MARCHF4: variants seen among roughly 807,000 people sequenced by gnomAD.
MARCHF4 encodes E3 ubiquitin-protein ligase MARCHF4.
MARCHF4 carries 14 observed loss-of-function variants against 43.9 expected under a neutral mutation model. That is an observed-to-expected ratio of 0.32 (90% CI 0.21 to 0.50). The LOEUF (loss-of-function observed/expected upper bound fraction) is 0.50, where lower values mean the gene tolerates loss of function less well. Among genes scored for constraint, MARCHF4 ranks in the 20% least tolerant of loss-of-function variants. The pLI, the probability that MARCHF4 is intolerant of heterozygous loss-of-function variation, is 0.98. For missense variants in MARCHF4, 468 were observed against 536.7 expected (o/e 0.87, Z 1.27); for synonymous variants, 226 against 213.3 (o/e 1.06, Z -0.52).
intron 1 of MARCHF4, among the ~76,000 whole-genome samples, chr2:216,288,500 T>C (rs1391576165): frequency 6.6e-6 from 1 of 152,074 alleles, no homozygotes; most frequent in East Asian, 1.9e-4. Context: ...CAGTAAAGAT[T>C]AAAGAATTTT....
At chr2:216,330,286 T>C (rs753695049) in intron 1 of MARCHF4, among the ~76,000 whole-genome samples, 3 of 152,194 alleles carry the variant, frequency 2.0e-5, no homozygotes, top group Non-Finnish European at 2.9e-5. Flanking sequence ...GATTTTATAA[T>C]GACAGTATGG....
intron 1 of MARCHF4, among the ~76,000 whole-genome samples, chr2:216,365,163 A>C (rs138119944): frequency 1.3e-5 from 2 of 152,314 alleles, no homozygotes; most frequent in East Asian, 3.9e-4. Flanking sequence ...CCAGGTTCTC[A>C]TTGCATCTTA....
At chr2:216,306,969 C>A (rs925189012) in intron 1 of MARCHF4, among the ~76,000 whole-genome samples, 2 of 152,012 alleles carry the variant, frequency 1.3e-5, no homozygotes, top group Admixed American at 6.6e-5. Flanking sequence ...CCTGTCCTCT[C>A]TCTCTCTCTC....
intron 1 of MARCHF4, among the ~76,000 whole-genome samples, chr2:216,349,738 C>CAGAG (rs1692370588): frequency 6.6e-6 from 1 of 152,104 alleles, no homozygotes; most frequent in African/African-American, 2.4e-5. Flanking sequence ...GGGGATTAGC[C>CAGAG]AGAGTATCTG....
rs1408883503 is a variant in MARCHF4, at chr2:216,354,972, TTTC to T, written c.516+14770_516+14772del. Among the ~76,000 whole-genome samples, 372 of 139,628 alleles carry T rather than the reference TTTC, an allele frequency of 2.7e-3. 4 individuals carry two copies. The highest frequency in any genetic ancestry group is 2.3e-3 in the Non-Finnish European group (151 of 65,626). The allele number at this position is 139,628 out of a possible 152,430, so 91.6% of individuals were successfully genotyped here. The stretch of plus-strand genomic sequence containing the variant: ...CTTTCTTTCTTTCTTTCTTTCTTTC[TTTC>T]TTTCTTTCTTTTTTGAGACAGAGTC... On this transcript the variant is annotated intron_variant, in intron 1 of 3. Coordinates refer to ENST00000273067, the MANE Select transcript of MARCHF4 (RefSeq NM_020814.3).
intron 1 of MARCHF4, among the ~76,000 whole-genome samples, chr2:216,288,302 A>T (rs1691249296): frequency 6.6e-6 from 1 of 152,250 alleles, no homozygotes; most frequent in African/African-American, 2.4e-5. Context: ...CAAGAGTTTG[A>T]CACAGTGCAT....
chr2:216,310,253 T>C (rs1225922692), intron 1 of MARCHF4, among the ~76,000 whole-genome samples: 1 of 152,050 alleles, frequency 6.6e-6, no homozygotes, highest in African/African-American at 2.4e-5. Flanking sequence ...AATCATTAGA[T>C]AGTTCTTTCT....
At chr2:216,270,087 T>TC (rs1690910421) in intron 3 of MARCHF4, among the ~76,000 whole-genome samples, 1 of 151,890 alleles carries the variant, frequency 6.6e-6, no homozygotes, top group Admixed American at 6.6e-5. Context: ...AGAAATTTTT[T>TC]TTTTTTTGAG....
At chr2:216,353,515 T>C (rs1235619008) in intron 1 of MARCHF4, among the ~76,000 whole-genome samples, 3 of 152,204 alleles carry the variant, frequency 2.0e-5, no homozygotes, top group Admixed American at 6.5e-5. Flanking sequence ...ACCTTGAACA[T>C]GTCCCCTCAC....
chr2:216,361,526 TCTACATAGTTCCTGCCAAGCAGA>T (rs562331945), intron 1 of MARCHF4, among the ~76,000 whole-genome samples: 51 of 152,320 alleles, frequency 3.3e-4, no homozygotes, highest in Non-Finnish European at 1.5e-4. Flanking sequence ...AAAGTGTCTT[TCTACATAGTTCCTGCCAAGCAGA>T]GAGTGCTGCT....
intron 1 of MARCHF4, among the ~76,000 whole-genome samples, chr2:216,333,951 G>A (rs1040462418): frequency 6.7e-6 from 1 of 150,282 alleles, no homozygotes; most frequent in Non-Finnish European, 1.5e-5. Flanking sequence ...AAACAGCCTG[G>A]CTGAAGTAAT....
intron 1 of MARCHF4, among the ~76,000 whole-genome samples, chr2:216,297,522 G>T (rs1209942945): frequency 6.6e-6 from 1 of 152,018 alleles, no homozygotes; most frequent in Non-Finnish European, 1.5e-5. Context: ...GTTTTGTTTT[G>T]TTTTTTGAGA....
Position 216,369,730 on chromosome 2 carries a change from G to C in MARCHF4, c.516+15C>G. 6.5e-7 allele frequency: 1 copy of C among 1,545,382 alleles called. No homozygotes were observed. The highest frequency in any genetic ancestry group is 8.7e-7 in the Non-Finnish European group (1 of 1,143,322). On this transcript the variant is annotated intron_variant, in intron 1 of 3. Transcript: ENST00000273067. ...AAATACCACAGGAAGCAGGAGAAGA[G>C]AAAAGGGGACTCACCTGTTCTGGCC...
intron 3 of MARCHF4, 144 bp downstream of exon 3, chr2:216,277,528 G>T: frequency 1.3e-6 from 1 of 752,470 alleles, no homozygotes; most frequent in Non-Finnish European, 2.1e-6. Context: ...TTGAATCCAA[G>T]CCTCTGGCCT....
intron 1 of MARCHF4, among the ~76,000 whole-genome samples, chr2:216,286,473 A>G (rs561140195): frequency 6.6e-6 from 1 of 151,892 alleles, no homozygotes; most frequent in East Asian, 1.9e-4. Context: ...AAGGAGGCAG[A>G]GGCAGAGGTT....
chr2:216,366,947 C>T (rs1692675706), intron 1 of MARCHF4, among the ~76,000 whole-genome samples: 1 of 152,164 alleles, frequency 6.6e-6, no homozygotes, highest in Non-Finnish European at 1.5e-5. Flanking sequence ...TAAATAAACG[C>T]ATGCACCAAT....
chr2:216,360,785 G>C (rs981664539), intron 1 of MARCHF4, among the ~76,000 whole-genome samples: 1 of 152,124 alleles, frequency 6.6e-6, no homozygotes, highest in Non-Finnish European at 1.5e-5. Context: ...TCAGTGTAGG[G>C]TCAGTTGTAA....
At chr2:216,269,521 G>A (rs114931484) in intron 3 of MARCHF4, among the ~76,000 whole-genome samples, 2,957 of 152,248 alleles carry the variant, frequency 0.019, 97 homozygotes, top group African/African-American at 0.067. Context: ...ATGACGTGAG[G>A]ACACAGGTTC....
chr2:216,263,153 G>A (rs1241732857), intron 3 of MARCHF4, among the ~76,000 whole-genome samples: 3 of 152,186 alleles, frequency 2.0e-5, no homozygotes, highest in African/African-American at 4.8e-5. Context: ...TCGCCTAGGC[G>A]CAGTGGCTCA....
Sources: gnomAD v4.1 joint callset for allele counts (sites outside exome capture counted in the v4.1 genomes callset) on GRCh38, gnomAD v4.1.1 for gene constraint, MANE v1.5 for transcripts, NCBI Gene and HGNC (gene_info 2026-07-23, HGNC 2026-07-21) for gene names.